The following DSCAM variants were observed in gnomAD, a reference collection of about 807,000 sequenced individuals.
The protein encoded by DSCAM is DS cell adhesion molecule, also known as cell adhesion molecule DSCAM.
DSCAM carries 47 observed loss-of-function variants against 217.7 expected under a neutral mutation model. That is an observed-to-expected ratio of 0.22 (90% CI 0.17 to 0.28). The LOEUF (loss-of-function observed/expected upper bound fraction) is 0.28. DSCAM is among the 10% of genes least tolerant of loss of function. The pLI is 1.00. For missense variants in DSCAM, 2,080 were observed against 2,618.3 expected, an observed-to-expected ratio of 0.79 and a Z score of 4.49; for synonymous variants, 1,056 against 1,015.3, an observed-to-expected ratio of 1.04 and a Z score of -0.76.
chr21:40,506,403 C>T (rs2076210788), intron 3 of DSCAM, among the ~76,000 whole-genome samples: 1 of 152,242 alleles, frequency 6.6e-6, no homozygotes, highest in Non-Finnish European at 1.5e-5. Flanking sequence ...GACTCACTGA[C>T]TTCACGGAGG....
chr21:40,675,867 T>C lies in DSCAM; in HGVS notation c.508+16943A>G, dbSNP rs181342915. On this transcript the variant is annotated intron_variant, in intron 3 of 32. Coordinates refer to ENST00000400454, the MANE Select transcript of DSCAM (RefSeq NM_001389.5). ...CTAACCCTTCAAAAGAGAAATATCT[T>C]TAATCACATATCTATAGTCCTTCCT... Among the ~76,000 whole-genome samples, 3 of 152,320 alleles carry C rather than the reference T, an allele frequency of 2.0e-5. No individual in the cohort carries two copies. In the East Asian group the frequency reaches 5.8e-4, roughly 29 times the overall value.
intron 3 of DSCAM, among the ~76,000 whole-genome samples, chr21:40,464,310 G>T (rs1408181825): frequency 6.6e-6 from 1 of 152,186 alleles, no homozygotes; most frequent in African/African-American, 2.4e-5. Context: ...GGAGCAGGGA[G>T]ATTGACAAGA....
In DSCAM at chr21:40,292,836, G is replaced by T. The variant is rs374963241; in HGVS notation, c.2182+3219C>A. Among the ~76,000 whole-genome samples the T allele has an allele frequency of 5.9e-4, 90 of 151,972 alleles. No individual in the cohort carries two copies. In the South Asian group the frequency reaches 8.9e-3, roughly 15 times the overall value. ...CAGCTCACTGTAAGCTCCGCCTCCCGGGTTCATGCCATTCTTAGCCTCCTG... is the reference window on the plus strand; with the variant it reads ...CAGCTCACTGTAAGCTCCGCCTCCCTGGTTCATGCCATTCTTAGCCTCCTG... On this transcript the variant is annotated intron_variant, in intron 10 of 32. Transcript: ENST00000400454.
intron 3 of DSCAM, among the ~76,000 whole-genome samples, chr21:40,370,325 C>T (rs1014811518): frequency 6.6e-6 from 1 of 151,312 alleles, no homozygotes; most frequent in Non-Finnish European, 1.5e-5. Context: ...AGTACACCTC[C>T]TGCCACCGTT....
At chr21:40,043,615 C>A (rs2088794456) in intron 31 of DSCAM, among the ~76,000 whole-genome samples, 1 of 152,168 alleles carries the variant, frequency 6.6e-6, no homozygotes, top group Admixed American at 6.5e-5. Flanking sequence ...TTATAACCAA[C>A]CCCTGTTTAA....
intron 1 of DSCAM, among the ~76,000 whole-genome samples, chr21:40,811,905 A>G (rs922557529): frequency 6.6e-6 from 1 of 152,158 alleles, no homozygotes. Context: ...CTCACTTCTT[A>G]GTGCCTTTAG....
intron 3 of DSCAM, among the ~76,000 whole-genome samples, chr21:40,537,623 A>G (rs1333451265): frequency 3.9e-5 from 6 of 152,186 alleles, no homozygotes; most frequent in Non-Finnish European, 8.8e-5. Flanking sequence ...TTAATCCTAT[A>G]TGCCTGGTGT....
At chr21:40,670,291 C>G (rs952919892) in intron 3 of DSCAM, among the ~76,000 whole-genome samples, 1 of 152,176 alleles carries the variant, frequency 6.6e-6, no homozygotes, top group Non-Finnish European at 1.5e-5. Context: ...CCCCTGGTAA[C>G]CACCGTTCTA....
At chr21:40,116,904 A>G (rs1033702887) in intron 20 of DSCAM, among the ~76,000 whole-genome samples, 6 of 143,724 alleles carry the variant, frequency 4.2e-5, no homozygotes, top group Non-Finnish European at 7.5e-5. Context: ...TGGGAGGCCG[A>G]GGCAGGAGAA....
intron 25 of DSCAM, among the ~76,000 whole-genome samples, 167 bp from the exon 26 acceptor site, chr21:40,079,144 A>G (rs1363315414): frequency 6.6e-6 from 1 of 152,198 alleles, no homozygotes; most frequent in Non-Finnish European, 1.5e-5. Context: ...GACTTTATGG[A>G]CCAACAGGCT....
Position 40,044,205 on chromosome 21 carries a change from G to A in DSCAM, c.5256C>T (p.Leu1752=). 6.2e-7 allele frequency: 1 copy of A among 1,614,186 alleles called. No individual in the cohort carries two copies. Among genetic ancestry groups the A allele is most frequent in the East Asian group, 2.2e-5 (1 of 44,866 alleles). Residue 1752 remains leucine, a synonymous_variant, in exon 31 of 33, where the codon CTC becomes CTT. Transcript: ENST00000400454. ...ARNRYASQWT[L]NRPHPTISAH... ...CTGAGATGGTGGGGTGGGGTCGGTT[G>A]AGGGTCCACTGGCTGGCATAGCGGT...
At chr21:40,406,013 G>C (rs1192202285) in intron 3 of DSCAM, among the ~76,000 whole-genome samples, 3 of 152,066 alleles carry the variant, frequency 2.0e-5, no homozygotes, top group Non-Finnish European at 4.4e-5. Context: ...AACAAAGAAA[G>C]ATGATATATA....
chr21:40,711,757 A>C (rs2090782823), intron 1 of DSCAM, among the ~76,000 whole-genome samples: 1 of 152,168 alleles, frequency 6.6e-6, no homozygotes, highest in African/African-American at 2.4e-5. Flanking sequence ...AGTTGCAACA[A>C]TGCTGAAGGT....
intron 3 of DSCAM, among the ~76,000 whole-genome samples, chr21:40,466,425 A>C (rs1244135459): frequency 6.6e-6 from 1 of 152,176 alleles, no homozygotes; most frequent in African/African-American, 2.4e-5. Flanking sequence ...TTTAGACCCA[A>C]GCTTGAGAGC....
At chr21:40,673,447 G>T (rs1009977610) in intron 3 of DSCAM, among the ~76,000 whole-genome samples, 2 of 152,140 alleles carry the variant, frequency 1.3e-5, no homozygotes, top group African/African-American at 4.8e-5. Flanking sequence ...CTGAATTGTT[G>T]AACTCAAGGC....
intron 1 of DSCAM, among the ~76,000 whole-genome samples, chr21:40,828,801 A>T (rs959757440): frequency 1.3e-5 from 2 of 152,078 alleles, no homozygotes; most frequent in South Asian, 2.1e-4. Context: ...GACTACAGGC[A>T]CATGCCACCA....
At chr21:40,363,973 A>C (rs1385612851) in intron 4 of DSCAM, among the ~76,000 whole-genome samples, 1 of 152,178 alleles carries the variant, frequency 6.6e-6, no homozygotes, top group African/African-American at 2.4e-5. Context: ...CAAAACCACA[A>C]TGAGATACCA....
At chr21:40,039,937 T>C (rs969954417) in intron 32 of DSCAM, among the ~76,000 whole-genome samples, 1 of 152,194 alleles carries the variant, frequency 6.6e-6, no homozygotes, top group Non-Finnish European at 1.5e-5. Context: ...ACGAATATCA[T>C]CTAGCGTGAA....
chr21:40,327,203 T>C (rs1270473886), intron 8 of DSCAM, among the ~76,000 whole-genome samples: 2 of 152,140 alleles, frequency 1.3e-5, no homozygotes, highest in Non-Finnish European at 2.9e-5. Context: ...GTGTGTGTAT[T>C]TGCAGATTAA....
Sources: allele counts gnomAD v4.1 joint callset (sites outside exome capture counted in the v4.1 genomes callset), GRCh38; gene constraint gnomAD v4.1.1; transcripts MANE v1.5; gene names NCBI Gene and HGNC (gene_info 2026-07-23, HGNC 2026-07-21).